Variants in PEAK1 observed in about 807,000 individuals in gnomAD.
PEAK1 encodes the protein pseudopodium enriched atypical kinase 1, also known as inactive tyrosine-protein kinase PEAK1.
Under a neutral mutation model 124.7 loss-of-function variants are expected in PEAK1, and 54 were observed. The observed-to-expected ratio is 0.43, with a 90% confidence interval of 0.35 to 0.54. The LOEUF is 0.54. Among genes scored for constraint, PEAK1 ranks in the 20% least tolerant of loss-of-function variants. PEAK1 has a pLI of 0.01. For synonymous variants in PEAK1, 719 were observed against 760.0 expected, an observed-to-expected ratio of 0.95 and a Z score of 0.89; for missense variants, 2,046 against 2,134.5, an observed-to-expected ratio of 0.96 and a Z score of 0.82.
chr15:77,364,615 A>T (rs1158886535), intron 2 of PEAK1, among the ~76,000 whole-genome samples: 1 of 152,232 alleles, frequency 6.6e-6, no homozygotes, highest in Non-Finnish European at 1.5e-5. Context: ...GAAACGGGAA[A>T]AGGCTATGAT....
intron 2 of PEAK1, among the ~76,000 whole-genome samples, chr15:77,329,781 C>G (rs1323300218): frequency 1.3e-5 from 2 of 152,026 alleles, no homozygotes; most frequent in East Asian, 3.9e-4. Flanking sequence ...AAAAATTGTT[C>G]CTTATGGCAT....
chr15:77,181,339 G>C lies in PEAK1; in HGVS notation c.588C>G (p.Cys196Trp). The C allele has an allele frequency of 6.2e-7, 1 of 1,614,060 alleles. No homozygotes were observed. Among genetic ancestry groups the C allele is most frequent in the Non-Finnish European group, 8.5e-7 (1 of 1,180,000 alleles). Residue 196 changes from cysteine (C) to tryptophan (W), a missense_variant, in exon 7 of 10, where the codon TGC becomes TGG. Coordinates refer to ENST00000682557, the MANE Select transcript of PEAK1 (RefSeq NM_001385026.1). ...GAGTTTCCTTTATCCCACCTATCAT[G>C]CAACTTGGTGGAAGCTTTCTTTCCA... ...RSLERKLPPS[C>W]MIGGIKETQG...
intron 6 of PEAK1, among the ~76,000 whole-genome samples, chr15:77,238,902 A>C (rs1314565786): frequency 6.6e-6 from 1 of 152,222 alleles, no homozygotes; most frequent in African/African-American, 2.4e-5. Flanking sequence ...ATAGCCATTC[A>C]TACCTTTTGC....
At chr15:77,313,686 GTGTGTGTATATATATATATGTA>G (rs2064653548) in intron 2 of PEAK1, among the ~76,000 whole-genome samples, 3 of 120,942 alleles carry the variant, frequency 2.5e-5, no homozygotes, top group East Asian at 2.1e-4. Flanking sequence ...GTGTGTGTGT[GTGTGTGTATATATATATATGTA>G]TGTGTGTGTG....
chr15:77,382,877 C>T (rs1019465098), intron 1 of PEAK1, among the ~76,000 whole-genome samples: 2 of 152,166 alleles, frequency 1.3e-5, no homozygotes, highest in Non-Finnish European at 2.9e-5. Flanking sequence ...CAAAAATGAA[C>T]TTTTATGAAT....
chr15:77,405,799 T>C (rs1297919246), intron 1 of PEAK1, among the ~76,000 whole-genome samples: 6 of 152,066 alleles, frequency 3.9e-5, no homozygotes, highest in African/African-American at 1.4e-4. Flanking sequence ...ATTTTATTTA[T>C]ATATATTTAA....
chr15:77,419,390 A>C (rs1415829010), intron 1 of PEAK1: 1 of 985,326 alleles, frequency 1.0e-6, no homozygotes, highest in Non-Finnish European at 1.2e-6. Context: ...CAAAGGGCAG[A>C]AAAGAAAAAA....
chr15:77,192,980 C>G (rs1321331135), intron 6 of PEAK1, among the ~76,000 whole-genome samples: 2 of 152,170 alleles, frequency 1.3e-5, no homozygotes, highest in African/African-American at 4.8e-5. Context: ...CGCACAGACA[C>G]ACAGACATAT....
chr15:77,272,664 GA>G (rs2062098446), intron 5 of PEAK1, among the ~76,000 whole-genome samples: 1 of 151,634 alleles, frequency 6.6e-6, no homozygotes, highest in Non-Finnish European at 1.5e-5. Context: ...ATTCACAGCT[GA>G]ATTCTATCAG....
chr15:77,278,178 TGAA>T (rs931000697), intron 5 of PEAK1, among the ~76,000 whole-genome samples: 13 of 152,112 alleles, frequency 8.5e-5, no homozygotes, highest in Admixed American at 1.3e-4. Flanking sequence ...TCTAAAAAAA[TGAA>T]GTCTTTTGAA....
chr15:77,165,007 G>C (rs1037233694), intron 7 of PEAK1, among the ~76,000 whole-genome samples: 1 of 151,890 alleles, frequency 6.6e-6, no homozygotes, highest in Non-Finnish European at 1.5e-5. Flanking sequence ...AGGTTCAAGA[G>C]ATTTTCCTAC....
exon 7 of PEAK1, chr15:77,101,657 C>T (rs957271814): frequency 6.6e-6 from 1 of 152,176 alleles, no homozygotes; most frequent in Admixed American, 6.5e-5. Context: ...GGCAGAGAGG[C>T]CCCTTACAAG....
chr15:77,311,533 G>A (rs1195443360), intron 2 of PEAK1, among the ~76,000 whole-genome samples: 3 of 151,564 alleles, frequency 2.0e-5, no homozygotes, highest in East Asian at 1.9e-4. Context: ...AAAATTAGGC[G>A]TGCTGGCGGG....
intron 6 of PEAK1, among the ~76,000 whole-genome samples, chr15:77,184,554 G>A (rs2057441457): frequency 6.6e-6 from 1 of 152,186 alleles, no homozygotes; most frequent in Non-Finnish European, 1.5e-5. Context: ...CAATCTAAAT[G>A]TTAGGTGGCA....
Position 77,178,991 on chromosome 15 carries a change from C to A in PEAK1, c.2936G>T (p.Gly979Val), listed in dbSNP as rs756740959. 16 of 1,613,944 alleles carry A rather than the reference C, an allele frequency of 9.9e-6. 1 individual carries two copies. In the South Asian group the frequency reaches 1.8e-4, roughly 18 times the overall value. ...AATGGCTGGTTTCTCACTGGACTCT[C>A]CTTTCGCCTCTGTGAACCAGTGATG... ...QRHHWFTEAK[G>V]ESSEKPAIVF... The change falls in exon 7 of 10, where the codon GGA (glycine) becomes GTA (valine). Residue 979 changes from glycine (G) to valine (V), a missense_variant. Transcript: ENST00000682557.
rs752314398 is a variant in PEAK1 at position 77,133,744 on chromosome 15, G to A, written c.3338C>T (p.Ser1113Phe). 6.3e-6 allele frequency: 10 copies of A among 1,585,686 alleles called. No homozygotes were observed. The highest frequency in any genetic ancestry group is 8.6e-6 in the Non-Finnish European group (10 of 1,169,388). ...CSATYSNLGQSRAAMIPPKQP... is the reference protein window; with the variant it reads ...CSATYSNLGQFRAAMIPPKQP... Reference sequence around the variant, plus strand: ...CTTGGGAGGTATCATGGCTGCTCTAGATTGCCCTGTATTGTTTTTAAAGCA... The same window carrying A: ...CTTGGGAGGTATCATGGCTGCTCTAAATTGCCCTGTATTGTTTTTAAAGCA... Residue 1113 changes from serine (S) to phenylalanine (F), a missense_variant, in exon 9 of 10, where the codon TCT (serine) becomes TTT (phenylalanine). Physicochemically the swap from Ser to Phe is radical, Grantham distance 155. Coordinates refer to ENST00000682557, the MANE Select transcript of PEAK1 (RefSeq NM_001385026.1). The surrounding 1 kb of genome is among the most constrained non-coding windows in gnomAD (Gnocchi z 4.2).
chr15:77,263,260 G>A (rs1241098933), intron 5 of PEAK1, among the ~76,000 whole-genome samples: 1 of 152,026 alleles, frequency 6.6e-6, no homozygotes, highest in Non-Finnish European at 1.5e-5. Flanking sequence ...GATCAGAGCA[G>A]AACTGAAGGA....
intron 9 of PEAK1, among the ~76,000 whole-genome samples, chr15:77,123,154 C>T (rs1005715881): frequency 6.6e-6 from 1 of 152,122 alleles, no homozygotes; most frequent in African/African-American, 2.4e-5. Flanking sequence ...AAGACTGGGA[C>T]TACTTTAAAG....
rs571191216 is a variant in PEAK1, at chr15:77,346,712, G to C, written c.-603+18451C>G. 2.8e-5 allele frequency: 28 copies of C among 983,250 alleles called. No homozygotes were observed. The African/African-American group carries it at 4.2e-4, about 15-fold the overall frequency. 60.9% of individuals were successfully genotyped at this position (983,250 alleles called of 1,614,324 possible). On this transcript the variant is annotated intron_variant, in intron 2 of 9. Coordinates refer to ENST00000682557, the MANE Select transcript of PEAK1 (RefSeq NM_001385026.1). ...TCTTCCTGACTACCAAAAGGAAAAT[G>C]AAAAAGAATGAAAAGACATTTGTAC...
Sources: allele counts gnomAD v4.1 joint callset (sites outside exome capture counted in the v4.1 genomes callset), GRCh38; gene constraint gnomAD v4.1.1; non-coding constraint Gnocchi (gnomAD v3.1); transcripts MANE v1.5; gene names NCBI Gene and HGNC (gene_info 2026-07-23, HGNC 2026-07-21).